The following ZNF827 variants were observed in gnomAD, a reference collection of about 807,000 sequenced individuals.
ZNF827 encodes zinc finger protein 827.
ZNF827 carries 13 observed loss-of-function variants against 102.4 expected under a neutral mutation model. The ratio of observed to expected loss-of-function variants is 0.13; its 90% confidence interval spans 0.08 to 0.20. The LOEUF is 0.20. ZNF827 is among the 10% of genes least tolerant of loss of function. The probability of loss-of-function intolerance (pLI) is 1.00; values close to 1 mark genes in which losing one functional copy is unlikely to be tolerated. For missense variants in ZNF827, 1,103 were observed against 1,344.4 expected (o/e 0.82, Z 2.81); for synonymous variants, 523 against 536.2 (o/e 0.98, Z 0.34).
intron 1 of ZNF827, among the ~76,000 whole-genome samples, chr4:145,920,631 G>A (rs561837057): frequency 6.6e-6 from 1 of 152,202 alleles, no homozygotes. Context: ...TTTGAAAGAG[G>A]AAGACAGCAG....
chr4:145,907,367 C>T (rs1470983833), intron 1 of ZNF827: 1 of 365,922 alleles, frequency 2.7e-6, no homozygotes, highest in African/African-American at 2.1e-5. Context: ...CACACTACAT[C>T]GTGAGAAAAA....
At chr4:145,795,283 G>T (rs1264230804) in intron 8 of ZNF827, among the ~76,000 whole-genome samples, 1 of 152,194 alleles carries the variant, frequency 6.6e-6, no homozygotes, top group Non-Finnish European at 1.5e-5. Context: ...GAGCAGCTGG[G>T]ATTACAAAGC....
At position 145,860,699 on chromosome 4, in the gene ZNF827, G is replaced by A. The variant is rs926620534; in HGVS notation, c.1981+9546C>T. On this transcript the variant is annotated intron_variant, in intron 5 of 14. Transcript: ENST00000508784. ...TAAATCAACTCACAGCACAAACTCA[G>A]GATGGCTTAAAATGGGAAAAACGCA... 5.3e-5 allele frequency among the ~76,000 whole-genome samples: 8 copies of A among 152,088 alleles called. 1 individual carries two copies. The East Asian group carries it at 1.5e-3, about 29-fold the overall frequency.
chr4:145,884,354 T>C (rs1749928762), intron 4 of ZNF827, among the ~76,000 whole-genome samples: 1 of 152,178 alleles, frequency 6.6e-6, no homozygotes. Flanking sequence ...AGAGTGGAGC[T>C]GAACCTCTAA....
At chr4:145,773,731 G>A (rs1736627168) in intron 11 of ZNF827, among the ~76,000 whole-genome samples, 1 of 152,232 alleles carries the variant, frequency 6.6e-6, no homozygotes, top group Non-Finnish European at 1.5e-5. Context: ...TGAAGCCTTG[G>A]CCATGGCCTA....
rs11347969 is a variant in ZNF827 at position 145,792,533 on chromosome 4, A to AT, written c.2384-13023dup. On this transcript the variant is annotated intron_variant, in intron 8 of 14. Transcript: ENST00000508784. ...CCAAAAGCCTAGGAATAGATATATA[A>AT]TTTTTTTTTTTAAGAGACAGGGTCT... Among the ~76,000 whole-genome samples, 327 of 149,452 alleles carry AT rather than the reference A, an allele frequency of 2.2e-3. 1 individual carries two copies. The highest frequency in any genetic ancestry group is 7.2e-3 in the African/African-American group (295 of 40,798).
intron 1 of ZNF827, among the ~76,000 whole-genome samples, chr4:145,904,503 T>C (rs1465275557): frequency 6.6e-6 from 1 of 152,164 alleles, no homozygotes; most frequent in Non-Finnish European, 1.5e-5. Context: ...TGGTGGCATT[T>C]CAGCAAAGCC....
chr4:145,894,156 C>A (rs1750807470), intron 2 of ZNF827, among the ~76,000 whole-genome samples: 1 of 151,854 alleles, frequency 6.6e-6, no homozygotes, highest in South Asian at 2.1e-4. Flanking sequence ...GAAGTATTTA[C>A]AAACAAGCGG....
At chr4:145,872,619 G>A (rs1449864719) in intron 4 of ZNF827, among the ~76,000 whole-genome samples, 1 of 152,172 alleles carries the variant, frequency 6.6e-6, no homozygotes, top group Non-Finnish European at 1.5e-5. Flanking sequence ...GCTCATGCTT[G>A]TAATCCCAGC....
In ZNF827 at chr4:145,858,076, A is replaced by G. The variant is rs566858469; in HGVS notation, c.1982-8515T>C. On this transcript the variant is annotated intron_variant, in intron 5 of 14. Transcript: ENST00000508784. Reference sequence around the variant, plus strand: ...CCCTGTCCATCCTTATATGTTGTGAATAATAGGCCTTTATATATCCTTCCA... The same window carrying G: ...CCCTGTCCATCCTTATATGTTGTGAGTAATAGGCCTTTATATATCCTTCCA... Among the ~76,000 whole-genome samples, 3 of 152,112 alleles carry G rather than the reference A, an allele frequency of 2.0e-5. No homozygotes were observed. In the East Asian group the frequency reaches 5.8e-4, roughly 29 times the overall value.
At chr4:145,777,722 T>C (rs183984740) in intron 9 of ZNF827, among the ~76,000 whole-genome samples, 153 of 152,324 alleles carry the variant, frequency 1.0e-3, no homozygotes, top group African/African-American at 3.5e-3. Flanking sequence ...TTCTAGACTT[T>C]GTTGTTTTAT....
In ZNF827 at chr4:145,902,771, G is replaced by A. The variant is rs1294663118; in HGVS notation, c.488C>T (p.Ala163Val). The A allele has an allele frequency of 6.2e-7, 1 of 1,613,998 alleles. No homozygotes were observed. Among genetic ancestry groups the A allele is most frequent in the East Asian group, 2.2e-5 (1 of 44,896 alleles). Residue 163 changes from alanine to valine, a missense_variant, in exon 2 of 15, where the codon GCC becomes GTC. Coordinates refer to ENST00000508784, the MANE Select transcript of ZNF827 (RefSeq NM_001306215.2). This position sits in a 1 kb window ranked among gnomAD's most constrained non-coding sequence, Gnocchi z 4.3. Reference protein sequence around the residue: ...NLSFSPPSHHAQQLSVLARKL... With the variant: ...NLSFSPPSHHVQQLSVLARKL... Reference sequence around the variant, plus strand: ...CCTGGCCAGAACACTGAGCTGCTGGGCGTGGTGGGAAGGCGGGGAAAAGGA... The same window carrying A: ...CCTGGCCAGAACACTGAGCTGCTGGACGTGGTGGGAAGGCGGGGAAAAGGA...
chr4:145,774,900 A>G (rs1208673595), intron 10 of ZNF827, among the ~76,000 whole-genome samples: 2 of 152,218 alleles, frequency 1.3e-5, no homozygotes, highest in South Asian at 2.1e-4. Context: ...ACAATCACAT[A>G]TGTGTTATAA....
Position 145,849,328 on chromosome 4 carries a change from G to A in ZNF827, c.2215C>T (p.Leu739=). ...TTCCTGTGCATAAACATACCTGACA[G>A]TTGAAAGAGGAGCTCGGAAGCCATT... ...VKMASELLFQ[L]SEKVSKEHNH... is the part of the protein sequence containing the mutation. The change falls in exon 6 of 15, where the codon CTG becomes TTG. Residue 739 remains leucine, a synonymous_variant. Coordinates refer to ENST00000508784, the MANE Select transcript of ZNF827 (RefSeq NM_001306215.2). The A allele has an allele frequency of 6.2e-7, 1 of 1,613,898 alleles. No homozygotes were observed. Among genetic ancestry groups the A allele is most frequent in the African/African-American group, 1.3e-5 (1 of 74,966 alleles).
chr4:145,852,177 A>G (rs751065544), intron 5 of ZNF827, among the ~76,000 whole-genome samples: 14 of 152,210 alleles, frequency 9.2e-5, no homozygotes, highest in Non-Finnish European at 5.9e-5. Flanking sequence ...AAAACTTGAC[A>G]CTATAAAAAG....
At chr4:145,923,002 T>A (rs1402643543) in intron 1 of ZNF827, among the ~76,000 whole-genome samples, 1 of 152,196 alleles carries the variant, frequency 6.6e-6, no homozygotes, top group Non-Finnish European at 1.5e-5. Context: ...TTATATTTTA[T>A]AACAAAATGT....
chr4:145,938,173 C>T (rs542470750), intron 1 of ZNF827, among the ~76,000 whole-genome samples, 192 bp downstream of exon 1: 2 of 151,856 alleles, frequency 1.3e-5, no homozygotes, highest in South Asian at 4.2e-4. Flanking sequence ...AGAAAGGGCA[C>T]GGGGCTGATC....
chr4:145,807,277 C>A (rs956143009), intron 8 of ZNF827, among the ~76,000 whole-genome samples: 2 of 152,170 alleles, frequency 1.3e-5, no homozygotes, highest in Admixed American at 6.5e-5. Context: ...ACTCAGAGCA[C>A]CATGAATCTT....
chr4:145,779,798 C>T (rs938297425), intron 8 of ZNF827, among the ~76,000 whole-genome samples: 2 of 152,174 alleles, frequency 1.3e-5, no homozygotes, highest in African/African-American at 4.8e-5. Flanking sequence ...AGCACTGTGC[C>T]CAGTATACAG....
Sources: gnomAD v4.1 joint callset for allele counts (sites outside exome capture counted in the v4.1 genomes callset) on GRCh38, gnomAD v4.1.1 for gene constraint, Gnocchi (gnomAD v3.1) non-coding constraint, MANE v1.5 for transcripts, NCBI Gene and HGNC (gene_info 2026-07-23, HGNC 2026-07-21) for gene names.